Variants in NRXN3 observed in about 807,000 individuals in gnomAD.
The protein encoded by NRXN3 is neurexin III.
Under a neutral mutation model 137.6 loss-of-function variants are expected in NRXN3, and 32 were observed. The ratio of observed to expected loss-of-function variants is 0.23; its 90% CI spans 0.18 to 0.31. NRXN3 has a LOEUF of 0.31. Among genes scored for constraint, NRXN3 ranks in the 10% least tolerant of loss-of-function variants. The pLI is 1.00. For missense variants in NRXN3, 1,574 were observed against 2,062.5 expected (o/e 0.76, Z 4.59); for synonymous variants, 798 against 784.5 (o/e 1.02, Z -0.29).
chr14:79,733,334 C>A (rs6574519), intron 19 of NRXN3, among the ~76,000 whole-genome samples: 97,410 of 152,050 alleles, frequency 0.64, 32,308 homozygotes, highest in African/African-American at 0.79. Flanking sequence ...AATATGCATA[C>A]CTGGCTTCCC....
intron 4 of NRXN3, among the ~76,000 whole-genome samples, chr14:78,400,420 A>G (rs2091942963): frequency 6.6e-6 from 1 of 152,120 alleles, no homozygotes; most frequent in Non-Finnish European, 1.5e-5. Context: ...TCTCTTCTTG[A>G]GCTTTATGGG....
intron 15 of NRXN3, among the ~76,000 whole-genome samples, chr14:78,993,831 G>C: frequency 8.6e-6 from 1 of 116,470 alleles, no homozygotes; most frequent in East Asian, 2.9e-4. Context: ...GATGAGCCTT[G>C]AAATTTTTTT....
At chr14:79,498,098 G>A (rs1389040477) in intron 16 of NRXN3, among the ~76,000 whole-genome samples, 2 of 152,080 alleles carry the variant, frequency 1.3e-5, no homozygotes, top group Admixed American at 6.5e-5. Flanking sequence ...GTTTAAAATA[G>A]TTATATCTGA....
At chr14:79,174,275 G>GA (rs1023055329) in intron 15 of NRXN3, among the ~76,000 whole-genome samples, 1 of 151,974 alleles carries the variant, frequency 6.6e-6, no homozygotes, top group Non-Finnish European at 1.5e-5. Flanking sequence ...ATTCACAGAA[G>GA]AAAAAATTCA....
At chr14:78,669,770 A>G (rs1422631545) in intron 6 of NRXN3, among the ~76,000 whole-genome samples, 1 of 152,152 alleles carries the variant, frequency 6.6e-6, no homozygotes, top group Non-Finnish European at 1.5e-5. Context: ...ATTAGTGTAT[A>G]ATGAGCAGTG....
chr14:79,763,837 T>C (rs1249826332), intron 19 of NRXN3, among the ~76,000 whole-genome samples: 1 of 151,564 alleles, frequency 6.6e-6, no homozygotes, highest in Non-Finnish European at 1.5e-5. Context: ...GTGATTAGCT[T>C]TCAATATATA....
At chr14:79,732,974 C>A (rs1230544708) in intron 19 of NRXN3, among the ~76,000 whole-genome samples, 1 of 152,072 alleles carries the variant, frequency 6.6e-6, no homozygotes, top group Non-Finnish European at 1.5e-5. Flanking sequence ...ATATTAATAT[C>A]AGCAAGATAA....
chr14:79,525,939 T>C (rs1021049129), intron 16 of NRXN3, among the ~76,000 whole-genome samples: 2 of 152,182 alleles, frequency 1.3e-5, no homozygotes, highest in Admixed American at 1.3e-4. Context: ...TGGAGTGCAG[T>C]GGCACAATCA....
intron 1 of NRXN3, among the ~76,000 whole-genome samples, chr14:78,210,440 T>G (rs2062630800): frequency 6.6e-6 from 1 of 152,246 alleles, no homozygotes; most frequent in Non-Finnish European, 1.5e-5. Flanking sequence ...TGGGGGAATG[T>G]GAGCATTCAG....
chr14:79,164,098 C>T (rs888592145), intron 15 of NRXN3, among the ~76,000 whole-genome samples: 1 of 151,876 alleles, frequency 6.6e-6, no homozygotes, highest in African/African-American at 2.4e-5. Context: ...CCTTAATAAC[C>T]TTATGAATAA....
intron 4 of NRXN3, among the ~76,000 whole-genome samples, chr14:78,441,982 G>A (rs547684276): frequency 6.6e-6 from 1 of 151,946 alleles, no homozygotes; most frequent in East Asian, 1.9e-4. Context: ...TGTAGTCCCA[G>A]CTACTCGGGA....
intron 16 of NRXN3, among the ~76,000 whole-genome samples, chr14:79,563,663 T>TAAAA (rs5809943): frequency 1.2e-4 from 17 of 142,212 alleles, no homozygotes; most frequent in Non-Finnish European, 1.7e-4. Flanking sequence ...CAAATAATGT[T>TAAAA]AAAAAAAAAA....
At chr14:79,224,737 G>A (rs1176083707) in intron 15 of NRXN3, among the ~76,000 whole-genome samples, 1 of 152,116 alleles carries the variant, frequency 6.6e-6, no homozygotes, top group African/African-American at 2.4e-5. Flanking sequence ...AGAGACAGAT[G>A]CACACACAGA....
chr14:79,315,613 A>G (rs966826500), intron 15 of NRXN3, among the ~76,000 whole-genome samples: 1 of 152,218 alleles, frequency 6.6e-6, no homozygotes, highest in African/African-American at 2.4e-5. Flanking sequence ...GTGCAGAAAA[A>G]TATTACAATA....
chr14:79,769,679 G>A (rs983245358), intron 19 of NRXN3, among the ~76,000 whole-genome samples: 4 of 151,870 alleles, frequency 2.6e-5, no homozygotes, highest in African/African-American at 9.7e-5. Flanking sequence ...ATGCCAAAAG[G>A]TAAAGACCAT....
At chr14:78,966,789 A>G (rs2099418226) in intron 12 of NRXN3, among the ~76,000 whole-genome samples, 2 of 152,264 alleles carry the variant, frequency 1.3e-5, no homozygotes, top group Non-Finnish European at 2.9e-5. Flanking sequence ...AAATCCTACC[A>G]TTAGCCCATA....
At chr14:79,082,299 T>A (rs1421976849) in intron 15 of NRXN3, among the ~76,000 whole-genome samples, 11 of 151,962 alleles carry the variant, frequency 7.2e-5, no homozygotes, top group African/African-American at 1.2e-4. Context: ...ATGGAAGTAA[T>A]ATATAAAGGA....
At chr14:79,521,754 A>G (rs1410305495) in intron 16 of NRXN3, among the ~76,000 whole-genome samples, 1 of 152,064 alleles carries the variant, frequency 6.6e-6, no homozygotes, top group Non-Finnish European at 1.5e-5. Context: ...TCAGCATATT[A>G]TTCCCATTAG....
chr14:79,762,006 C>G (rs528414285), intron 19 of NRXN3, among the ~76,000 whole-genome samples: 1 of 151,596 alleles, frequency 6.6e-6, no homozygotes, highest in Non-Finnish European at 1.5e-5. Flanking sequence ...TATAAATTCA[C>G]AAAGTCAAGA....
Sources: gnomAD v4.1 joint callset for allele counts (sites outside exome capture counted in the v4.1 genomes callset) on GRCh38, gnomAD v4.1.1 for gene constraint, MANE v1.5 for transcripts, NCBI Gene and HGNC (gene_info 2026-07-23, HGNC 2026-07-21) for gene names.